RGS6: variants seen among roughly 807,000 people sequenced by gnomAD.
RGS6 encodes regulator of G protein signaling 6.
In RGS6, 30 loss-of-function variants were observed where a neutral mutation model predicts 78.5. The observed-to-expected ratio is 0.38, with a 90% CI of 0.29 to 0.52. RGS6 has a LOEUF of 0.52. Among genes scored for constraint, RGS6 ranks in the 20% least tolerant of loss-of-function variants. The pLI is 0.85. For missense variants in RGS6, 495 were observed against 609.7 expected (o/e 0.81, Z 1.98); for synonymous variants, 206 against 206.0 (o/e 1.00, Z 0.00).
the RGS6 span, among the ~76,000 whole-genome samples, chr14:72,573,262 C>A: frequency 3.3e-5 from 5 of 152,156 alleles, no homozygotes; most frequent in African/African-American, 9.7e-5. Context: ...CCAATAGAAG[C>A]CTTGTTTCCT....
At chr14:72,528,666 A>C (rs2097146813) in intron 15 of RGS6, among the ~76,000 whole-genome samples, 1 of 152,172 alleles carries the variant, frequency 6.6e-6, no homozygotes, top group African/African-American at 2.4e-5. Flanking sequence ...GGAGAGAGGA[A>C]GGAAGTGGGA....
the RGS6 span, among the ~76,000 whole-genome samples, chr14:71,887,795 G>A: frequency 3.3e-4 from 50 of 152,198 alleles, no homozygotes; most frequent in Middle Eastern, 3.4e-3. Context: ...GATCTTTGTT[G>A]GACCCTTATC....
At chr14:72,505,924 T>C (rs1351064382) in intron 13 of RGS6, among the ~76,000 whole-genome samples, 1 of 152,190 alleles carries the variant, frequency 6.6e-6, no homozygotes, top group African/African-American at 2.4e-5. Context: ...CTTTCCTCCA[T>C]CTCTAGCTGG....
intron 2 of RGS6, among the ~76,000 whole-genome samples, chr14:72,151,683 C>T (rs78099397): frequency 0.06 from 9,174 of 152,024 alleles, 283 homozygotes; most frequent in Non-Finnish European, 0.073. Context: ...TGGAGTGTGC[C>T]GGTCAGGCCA....
intron 13 of RGS6, among the ~76,000 whole-genome samples, chr14:72,500,542 T>A (rs149372671): frequency 6.6e-6 from 1 of 152,228 alleles, no homozygotes; most frequent in Non-Finnish European, 1.5e-5. Flanking sequence ...TGCTGTGTTC[T>A]GAACAAGAAG....
chr14:72,142,330 G>T (rs2096551500), intron 2 of RGS6, among the ~76,000 whole-genome samples: 1 of 151,704 alleles, frequency 6.6e-6, no homozygotes, highest in African/African-American at 2.4e-5. Context: ...AAAAAGAGAG[G>T]AGAGAGATGA....
the RGS6 span, among the ~76,000 whole-genome samples, chr14:72,584,097 A>G: frequency 6.6e-6 from 1 of 152,212 alleles, no homozygotes; most frequent in African/African-American, 2.4e-5. Context: ...TTTTCTTTAG[A>G]GCAAGCCAGA....
rs182597803 is a variant in RGS6 at position 72,459,751 on chromosome 14, C to G, written c.394+68C>G. 2,443 of 1,502,702 alleles carry G rather than the reference C, an allele frequency of 1.6e-3. 25 individuals are homozygous for G. The Admixed American group carries it at 0.021, about 13-fold the overall frequency. 93.1% of individuals were successfully genotyped at this position (1,502,702 alleles called of 1,614,324 possible). On this transcript the variant is annotated intron_variant, in intron 6 of 17. Transcript: ENST00000553525. ...GTGTCACTTCTGGGGGTGCAGAAGA[C>G]AAATGCTTGGTGTGGGCCATGGTGG...
the RGS6 span, among the ~76,000 whole-genome samples, chr14:72,588,827 G>T: frequency 0.067 from 10,169 of 152,154 alleles, 1,181 homozygotes; most frequent in African/African-American, 0.23. Context: ...AAACTCGTTG[G>T]CCTGGGTGAA....
intron 2 of RGS6, among the ~76,000 whole-genome samples, chr14:72,223,158 C>G (rs1422311813): frequency 6.6e-6 from 1 of 152,106 alleles, no homozygotes; most frequent in Non-Finnish European, 1.5e-5. Context: ...GTGTGGAAAA[C>G]AAATGATCAG....
intron 2 of RGS6, among the ~76,000 whole-genome samples, chr14:72,210,610 G>A (rs940728388): frequency 6.6e-6 from 1 of 152,172 alleles, no homozygotes; most frequent in African/African-American, 2.4e-5. Flanking sequence ...GCGGGGATGG[G>A]AGGTAGCACT....
chr14:72,479,045 C>T (rs1474844251), intron 12 of RGS6, among the ~76,000 whole-genome samples: 1 of 152,180 alleles, frequency 6.6e-6, no homozygotes, highest in Non-Finnish European at 1.5e-5. Flanking sequence ...ACCGTTAAAG[C>T]AATGACCAAT....
At chr14:72,496,313 G>A (rs1016185554) in intron 13 of RGS6, among the ~76,000 whole-genome samples, 51 of 152,230 alleles carry the variant, frequency 3.4e-4, no homozygotes, top group Non-Finnish European at 1.0e-4. Flanking sequence ...GAAACACAGC[G>A]ATGGTTGACA....
intron 2 of RGS6, among the ~76,000 whole-genome samples, chr14:72,113,166 C>T (rs533786869): frequency 1.8e-4 from 27 of 152,256 alleles, no homozygotes; most frequent in African/African-American, 5.8e-4. Flanking sequence ...GCAAGCCCCC[C>T]GACATGTGGA....
rs889843373 is a variant in RGS6 at position 72,340,959 on chromosome 14, A to G, written c.85-11136A>G. 6.3e-4 allele frequency among the ~76,000 whole-genome samples: 96 copies of G among 152,278 alleles called. 1 individual carries two copies. The highest frequency in any genetic ancestry group is 2.2e-3 in the African/African-American group (91 of 41,558). ...TATGAAATTGGTCCTAAGTAGAGGT[A>G]TGTGGCTCTCGTGACTGGAGCAGAG... On this transcript the variant is annotated intron_variant, in intron 2 of 17. Transcript: ENST00000553525.
intron 2 of RGS6, among the ~76,000 whole-genome samples, chr14:72,027,334 TCTTA>T (rs1212871953): frequency 1.3e-5 from 2 of 152,192 alleles, no homozygotes; most frequent in African/African-American, 4.8e-5. Context: ...TCTTAGAGTC[TCTTA>T]CTTTATACCT....
chr14:72,290,912 C>G (rs2063465834), intron 2 of RGS6, among the ~76,000 whole-genome samples: 2 of 152,166 alleles, frequency 1.3e-5, no homozygotes, highest in African/African-American at 4.8e-5. Context: ...CTTTCACTCA[C>G]TATGCAGAAT....
chr14:72,606,074 A>G, the RGS6 span, among the ~76,000 whole-genome samples: 1 of 151,554 alleles, frequency 6.6e-6, no homozygotes, highest in African/African-American at 2.4e-5. Context: ...CCAGAATCCT[A>G]GGCCTCTGCA....
chr14:72,536,936 G>T (rs1249970870), intron 16 of RGS6, among the ~76,000 whole-genome samples: 1 of 152,258 alleles, frequency 6.6e-6, no homozygotes, highest in Non-Finnish European at 1.5e-5. Flanking sequence ...TCATGGATTT[G>T]AGGTGCAGGG....
Sources: gnomAD v4.1 joint callset for allele counts (sites outside exome capture counted in the v4.1 genomes callset) on GRCh38, gnomAD v4.1.1 for gene constraint, MANE v1.5 for transcripts, NCBI Gene and HGNC (gene_info 2026-07-23, HGNC 2026-07-21) for gene names.